The following ANKRD13B variants were observed in gnomAD, a reference collection of about 807,000 sequenced individuals.
The protein encoded by ANKRD13B is ankyrin repeat domain 13B.
ANKRD13B carries 33 observed loss-of-function variants against 74.4 expected under a neutral mutation model. The ratio of observed to expected loss-of-function variants is 0.44; its 90% CI spans 0.34 to 0.59. ANKRD13B has a LOEUF of 0.59. ANKRD13B is among the 20% of genes least tolerant of loss of function. The probability of loss-of-function intolerance (pLI) is 0.02; values close to 1 mark genes in which losing one functional copy is unlikely to be tolerated. For synonymous variants in ANKRD13B, 341 were observed against 362.9 expected, an observed-to-expected ratio of 0.94 and a Z score of 0.68; for missense variants, 676 against 877.9, an observed-to-expected ratio of 0.77 and a Z score of 2.91.
intron 1 of ANKRD13B, among the ~76,000 whole-genome samples, chr17:29,598,200 G>A (rs911573164): frequency 3.9e-5 from 6 of 152,202 alleles, no homozygotes; most frequent in African/African-American, 1.4e-4. Context: ...GAGGCCAACA[G>A]GGGCCAGGCC....
Position 29,612,690 on chromosome 17 carries a change from G to A in ANKRD13B, c.1450G>A (p.Glu484Lys). 6.3e-7 allele frequency: 1 copy of A among 1,591,438 alleles called. No individual in the cohort carries two copies. The highest frequency in any genetic ancestry group is 1.1e-5 in the South Asian group (1 of 88,960). Residue 484 changes from glutamate to lysine, a missense_variant, in exon 13 of 15, where the codon GAG becomes AAG. Physicochemically the swap from Glu to Lys is moderately conservative, Grantham distance 56. This residue lies in a region of ANKRD13B where 152 missense variants were observed against 181.4 expected (regional missense o/e 0.84). Coordinates refer to ENST00000394859, the MANE Select transcript of ANKRD13B (RefSeq NM_152345.5). This position sits in a 1 kb window ranked among gnomAD's most constrained non-coding sequence, Gnocchi z 6.1. Reference sequence around the variant, plus strand: ...CTGCGAGATCTCCCCAGCGTTGTTCGAGGCCCCGCGCGGCTACAGCATGAT... The same window carrying A: ...CTGCGAGATCTCCCCAGCGTTGTTCAAGGCCCCGCGCGGCTACAGCATGAT... ...RGCEISPALFEAPRGYSMMGG... is the reference protein window; with the variant it reads ...RGCEISPALFKAPRGYSMMGG...
chr17:29,611,630 G>T lies in ANKRD13B; in HGVS notation c.956G>T (p.Gly319Val), dbSNP rs1206087316. Residue 319 changes from glycine to valine, a missense_variant, in exon 9 of 15, where the codon GGC (glycine) becomes GTC (valine). Transcript: ENST00000394859. The surrounding 1 kb of genome is among the most constrained non-coding windows in gnomAD (Gnocchi z 4.3). ...SFLGIAEQHGGPQNGTLITQT... is the reference protein window; with the variant it reads ...SFLGIAEQHGVPQNGTLITQT... Reference sequence around the variant, plus strand: ...CTGGGAATCGCTGAGCAGCACGGGGGCCCCCAAAATGGGGTGAGTGTGTGC... The same window carrying T: ...CTGGGAATCGCTGAGCAGCACGGGGTCCCCCAAAATGGGGTGAGTGTGTGC... 4.3e-6 allele frequency: 7 copies of T among 1,614,190 alleles called. No homozygotes were observed. Among genetic ancestry groups the T allele is most frequent in the East Asian group, 2.2e-5 (1 of 44,884 alleles).
In ANKRD13B at chr17:29,609,449, C is replaced by G; in HGVS notation, c.822+28C>G. 1 of 1,611,582 alleles carries G rather than the reference C, an allele frequency of 6.2e-7. No homozygotes were observed. The highest frequency in any genetic ancestry group is 8.5e-7 in the Non-Finnish European group (1 of 1,179,122). On this transcript the variant is annotated intron_variant, in intron 7 of 14. Transcript: ENST00000394859. The surrounding 1 kb of genome is among the most constrained non-coding windows in gnomAD (Gnocchi z 4.0). The stretch of plus-strand genomic sequence containing the variant: ...GAGGCTGCAGCTCCCAGCTGCCAGC[C>G]CAGCTGCACTCTTGCCTACAGCAAG...
intron 1 of ANKRD13B, among the ~76,000 whole-genome samples, chr17:29,598,852 A>G (rs916460184): frequency 2.0e-5 from 3 of 152,158 alleles, no homozygotes; most frequent in African/African-American, 7.2e-5. Context: ...GGCATAAACA[A>G]TATACTTCTG....
chr17:29,611,554 C>T lies in ANKRD13B; in HGVS notation c.905-25C>T. 4.3e-6 allele frequency: 7 copies of T among 1,612,798 alleles called. No individual in the cohort carries two copies. Among genetic ancestry groups the T allele is most frequent in the Non-Finnish European group, 5.9e-6 (7 of 1,178,868 alleles). On this transcript the variant is annotated intron_variant, in intron 8 of 14. Transcript: ENST00000394859. The surrounding 1 kb of genome is among the most constrained non-coding windows in gnomAD (Gnocchi z 4.3). ...CAGGTGTGTGTGGAGTTGCGGTGTC[C>T]TCTGAGATGCCACATTTCTTGTAGG...
At chr17:29,604,210 T>G (rs895924487) in intron 1 of ANKRD13B, among the ~76,000 whole-genome samples, 11 of 152,034 alleles carry the variant, frequency 7.2e-5, no homozygotes, top group Non-Finnish European at 1.3e-4. Flanking sequence ...TTTGACCTTT[T>G]TGAGGCTTTT....
At chr17:29,596,582 C>G (rs1227492295) in intron 1 of ANKRD13B, among the ~76,000 whole-genome samples, 1 of 152,190 alleles carries the variant, frequency 6.6e-6, no homozygotes, top group Non-Finnish European at 1.5e-5. Context: ...CAGGACTCTG[C>G]CCCTGGCAAC....
In ANKRD13B at chr17:29,612,636, GCC is replaced by G. The variant is rs2034631742; in HGVS notation, c.1412-12_1412-11del. The G allele has an allele frequency of 3.3e-6, 5 of 1,526,354 alleles. No homozygotes were observed. The highest frequency in any genetic ancestry group is 1.4e-5 in the African/African-American group (1 of 73,164). 94.6% of individuals were successfully genotyped at this position (1,526,354 alleles called of 1,614,324 possible). ...GGCGCGCCCGGCCGTGCCTGACCCA[GCC>G]CCCGCGCCCCCAGCCTCCTGCCGCG... On this transcript the variant is annotated splice_polypyrimidine_tract_variant and intron_variant, in intron 12 of 14. Coordinates refer to ENST00000394859, the MANE Select transcript of ANKRD13B (RefSeq NM_152345.5). This position sits in a 1 kb window ranked among gnomAD's most constrained non-coding sequence, Gnocchi z 6.1.
intron 1 of ANKRD13B, among the ~76,000 whole-genome samples, chr17:29,604,702 C>T (rs569785282): frequency 2.7e-5 from 4 of 150,890 alleles, no homozygotes; most frequent in African/African-American, 4.9e-5. Flanking sequence ...TCACCAAGCC[C>T]GGCTAATTTT....
chr17:29,601,061 C>A (rs922280365), intron 1 of ANKRD13B, among the ~76,000 whole-genome samples: 1 of 149,778 alleles, frequency 6.7e-6, no homozygotes, highest in South Asian at 2.1e-4. Context: ...GTAGCTGGGA[C>A]GATAGGCATG....
chr17:29,611,767 C>G lies in ANKRD13B; in HGVS notation c.970-109C>G. 6.4e-7 allele frequency: 1 copy of G among 1,566,506 alleles called. No individual in the cohort carries two copies. The highest frequency in any genetic ancestry group is 2.3e-5 in the East Asian group (1 of 44,192). ...CTTTCCACAATGCCCAAGGCCATGT[C>G]AGCGCCACACTGGCAGAGGGGACAG... On this transcript the variant is annotated intron_variant, in intron 9 of 14. Coordinates refer to ENST00000394859, the MANE Select transcript of ANKRD13B (RefSeq NM_152345.5). The surrounding 1 kb of genome is among the most constrained non-coding windows in gnomAD (Gnocchi z 4.3).
chr17:29,593,361 C>A lies in ANKRD13B; in HGVS notation c.-261C>A, dbSNP rs2033832794. ...AGGCGAGCGCGAGTCCGCGCAGCGC[C>A]GCCGAGTGCCCGCTCCCTCCCAGGG... On this transcript the variant is annotated 5_prime_UTR_variant, in exon 1 of 15. Transcript: ENST00000394859. The A allele has an allele frequency of 1.4e-5, 2 of 147,374 alleles. No homozygotes were observed. The highest frequency in any genetic ancestry group is 2.0e-4 in the East Asian group (1 of 5,048). The allele number at this position is 147,374 out of a possible 1,614,324, so 9.1% of individuals were successfully genotyped here. A position where few individuals can be genotyped will look rare whatever the true frequency, so the allele number is the denominator to read the frequency against.
intron 1 of ANKRD13B, among the ~76,000 whole-genome samples, chr17:29,595,929 C>A (rs1272133831): frequency 1.3e-5 from 2 of 152,184 alleles, no homozygotes; most frequent in Admixed American, 6.5e-5. Context: ...ACTGCCTACT[C>A]CCCAGGGCAC....
chr17:29,593,604 C>G lies in ANKRD13B; in HGVS notation c.-18C>G, dbSNP rs964793712. The G allele has an allele frequency of 1.5e-5, 19 of 1,274,516 alleles. No homozygotes were observed. Among genetic ancestry groups the G allele is most frequent in the Non-Finnish European group, 1.8e-5 (18 of 995,858 alleles). 79.0% of individuals were successfully genotyped at this position (1,274,516 alleles called of 1,614,324 possible). On this transcript the variant is annotated 5_prime_UTR_variant, in exon 1 of 15. Transcript: ENST00000394859. ...CCTCCCCGGCCGGGCGCCGCGGCCC[C>G]GGCATGAGGAGCGGGCGATGATCCC... is the stretch of plus-strand genomic sequence containing the variant.
rs764873442 is a variant in ANKRD13B at position 29,612,313 on chromosome 17, C to T, written c.1258+40C>T. On this transcript the variant is annotated intron_variant, in intron 11 of 14. Transcript: ENST00000394859. This position sits in a 1 kb window ranked among gnomAD's most constrained non-coding sequence, Gnocchi z 6.1. ...CCATTTCTCCTGAGCCCGTGGCGGG[C>T]CGACCGGGGTTTAGATGAGGTCGGG... 6.2e-7 allele frequency: 1 copy of T among 1,612,060 alleles called. No homozygotes were observed. The highest frequency in any genetic ancestry group is 2.2e-5 in the East Asian group (1 of 44,850).
chr17:29,600,085 C>A (rs2034114044), intron 1 of ANKRD13B, among the ~76,000 whole-genome samples: 1 of 151,988 alleles, frequency 6.6e-6, no homozygotes, highest in Non-Finnish European at 1.5e-5. Flanking sequence ...ACCGTGTTAG[C>A]CAGGATGGTC....
intron 2 of ANKRD13B, 48 bp from the exon 3 acceptor site, chr17:29,607,938 G>T: frequency 6.3e-7 from 1 of 1,579,356 alleles, no homozygotes. Flanking sequence ...ATAGACCTAT[G>T]GTTGGCTGAA....
rs973516143 is a variant in ANKRD13B at position 29,611,176 on chromosome 17, G to C, written c.905-403G>C. ...CTGGGTACCAGATACCGTGTCCGAG[G>C]TGAAAAAGCATAATTTCTACCTCAC... On this transcript the variant is annotated intron_variant, in intron 8 of 14. Coordinates refer to ENST00000394859, the MANE Select transcript of ANKRD13B (RefSeq NM_152345.5). This position sits in a 1 kb window ranked among gnomAD's most constrained non-coding sequence, Gnocchi z 4.3. Among the ~76,000 whole-genome samples the C allele has an allele frequency of 3.9e-5, 6 of 152,160 alleles. No homozygotes were observed. Among genetic ancestry groups the C allele is most frequent in the African/African-American group, 1.4e-4 (6 of 41,416 alleles).
rs1034530674 is a variant in ANKRD13B at position 29,599,872 on chromosome 17, T to G, written c.114+6137T>G. ...GTTCTTAGCATCTAATTTGTTTTTT[T>G]TTTTTTTTTTTTTTTTTTTTTTGAT... On this transcript the variant is annotated intron_variant, in intron 1 of 14. Transcript: ENST00000394859. Among the ~76,000 whole-genome samples, 5 of 114,868 alleles carry G rather than the reference T, an allele frequency of 4.4e-5. No individual in the cohort carries two copies. The South Asian group carries it at 9.3e-4, about 21-fold the overall frequency. 75.4% of individuals were successfully genotyped at this position (114,868 alleles called of 152,430 possible).
Sources: gnomAD v4.1 joint callset for allele counts (sites outside exome capture counted in the v4.1 genomes callset) on GRCh38, gnomAD v4.1.1 for gene constraint, gnomAD v4.1.1 regional missense constraint, Gnocchi (gnomAD v3.1) non-coding constraint, MANE v1.5 for transcripts, NCBI Gene and HGNC (gene_info 2026-07-23, HGNC 2026-07-21) for gene names.